The following MGRN1 variants were observed in gnomAD, a reference collection of about 807,000 sequenced individuals.
MGRN1 encodes mahogunin ring finger 1.
In MGRN1, 29 loss-of-function variants were observed where a neutral mutation model predicts 69.2. The observed-to-expected ratio is 0.42, with a 90% CI of 0.31 to 0.57. MGRN1 has a LOEUF of 0.57. Ranked by LOEUF, MGRN1 falls within the 20% of genes least tolerant of loss-of-function variation. The pLI is 0.15. For missense variants in MGRN1, 998 were observed against 796.2 expected, an observed-to-expected ratio of 1.25 and a Z score of -3.05; for synonymous variants, 470 against 344.2, an observed-to-expected ratio of 1.37 and a Z score of -4.04.
chr16:4,671,311 C>T, intron 8 of MGRN1, 80 bp from the exon 9 acceptor site: 3 of 1,393,226 alleles, frequency 2.2e-6, no homozygotes, highest in Non-Finnish European at 3.1e-6. Context: ...AAGTTGGAGG[C>T]AGGGCTAGGC....
intron 1 of MGRN1, among the ~76,000 whole-genome samples, chr16:4,643,456 G>A (rs59617372): frequency 5.3e-5 from 7 of 131,834 alleles, no homozygotes; most frequent in South Asian, 2.6e-4. Flanking sequence ...TGCAACCTCC[G>A]CTTCCTGGGT....
chr16:4,673,685 G>T, intron 10 of MGRN1, 28 bp downstream of exon 10: 1 of 1,608,386 alleles, frequency 6.2e-7, no homozygotes. Context: ...CTGTTCTGTG[G>T]AAGGTTCTGG....
chr16:4,666,965 G>A (rs1339225865), intron 7 of MGRN1, among the ~76,000 whole-genome samples: 2 of 152,188 alleles, frequency 1.3e-5, no homozygotes, highest in Non-Finnish European at 2.9e-5. Flanking sequence ...GGAGGTGGTG[G>A]GACGCACGCT....
chr16:4,625,443 C>A (rs1160770720), intron 1 of MGRN1, among the ~76,000 whole-genome samples: 1 of 152,220 alleles, frequency 6.6e-6, no homozygotes, highest in Non-Finnish European at 1.5e-5. Flanking sequence ...ACCGCGGGGG[C>A]CGGCTTTCGC....
chr16:4,659,435 G>T (rs550704927), intron 5 of MGRN1, among the ~76,000 whole-genome samples: 1 of 152,320 alleles, frequency 6.6e-6, no homozygotes, highest in Non-Finnish European at 1.5e-5. Context: ...TGAGCCATGG[G>T]TTTGCAGGTG....
intron 1 of MGRN1, among the ~76,000 whole-genome samples, chr16:4,630,281 C>T (rs1213702072): frequency 1.9e-4 from 27 of 143,276 alleles, no homozygotes; most frequent in African/African-American, 6.6e-4. Context: ...GAACCCGGAG[C>T]GCGGCAGAGG....
intron 4 of MGRN1, 35 bp downstream of exon 4, chr16:4,652,859 G>T (rs761064977): frequency 1.3e-6 from 2 of 1,559,996 alleles, no homozygotes; most frequent in African/African-American, 2.7e-5. Flanking sequence ...CGGCCTGGCT[G>T]GGGGCCCCAG....
chr16:4,683,286 A>G lies in MGRN1; in HGVS notation c.1528+17A>G. ...CACAGCAAGGTGAGCGCCTCCTTCC[A>G]TGGGCACAAACCGCATGCAGGGACC... On this transcript the variant is annotated intron_variant, in intron 15 of 16. Coordinates refer to ENST00000262370, the MANE Select transcript of MGRN1 (RefSeq NM_015246.4). 1 of 1,613,498 alleles carries G rather than the reference A, an allele frequency of 6.2e-7. No homozygotes were observed. Among genetic ancestry groups the G allele is most frequent in the Non-Finnish European group, 8.5e-7 (1 of 1,179,862 alleles).
intron 16 of MGRN1, chr16:4,686,227 G>A: frequency 1.9e-6 from 3 of 1,539,694 alleles, no homozygotes; most frequent in Non-Finnish European, 2.6e-6. Context: ...TGCTAACCGA[G>A]CTTCCGTCTG....
chr16:4,655,028 G>A (rs62037135), intron 4 of MGRN1, among the ~76,000 whole-genome samples: 1,937 of 152,306 alleles, frequency 0.013, 19 homozygotes, highest in Non-Finnish European at 0.021. Flanking sequence ...CTTGGGCGTA[G>A]GAGCATTTGG....
At chr16:4,653,844 C>G (rs2078463578) in intron 4 of MGRN1, among the ~76,000 whole-genome samples, 1 of 152,014 alleles carries the variant, frequency 6.6e-6, no homozygotes, top group African/African-American at 2.4e-5. Flanking sequence ...CCTCCGCCTC[C>G]TAGGTTCAAG....
At chr16:4,680,210 G>A (rs920077738) in intron 12 of MGRN1, 113 bp downstream of exon 12, 40 of 1,056,250 alleles carry the variant, frequency 3.8e-5, no homozygotes, top group South Asian at 1.1e-4. Flanking sequence ...CATATAACCC[G>A]TCAGCTCCAC....
At chr16:4,651,847 C>T in intron 2 of MGRN1, 116 bp from the exon 3 acceptor site, 1 of 906,078 alleles carries the variant, frequency 1.1e-6, no homozygotes, top group Non-Finnish European at 1.8e-6. Context: ...TAGCCCCTCC[C>T]ATGGGACTAG....
intron 5 of MGRN1, among the ~76,000 whole-genome samples, chr16:4,658,640 G>A (rs1320489058): frequency 1.3e-5 from 2 of 152,054 alleles, no homozygotes; most frequent in African/African-American, 2.4e-5. Context: ...GACTTACGCT[G>A]GGGCCAGTCC....
At chr16:4,671,342 C>G (rs1472404337) in intron 8 of MGRN1, 49 bp from the exon 9 acceptor site, 2 of 1,591,980 alleles carry the variant, frequency 1.3e-6, no homozygotes, top group Admixed American at 3.3e-5. Context: ...TGGAGGAGCC[C>G]TCATATGGCA....
intron 1 of MGRN1, among the ~76,000 whole-genome samples, chr16:4,644,915 C>A (rs541870131): frequency 1.3e-5 from 2 of 152,048 alleles, no homozygotes; most frequent in Non-Finnish European, 2.9e-5. Flanking sequence ...GATATTACAA[C>A]CATTGCTTTA....
Position 4,681,786 on chromosome 16 carries a change from A to G in MGRN1, c.1358+10A>G. The stretch of plus-strand genomic sequence containing the variant: ...GCAAGGCCCCCGACAGGTGAGCAGC[A>G]GCCAGGCCAGGTGCATGGCAGGGTG... On this transcript the variant is annotated intron_variant, in intron 13 of 16. Transcript: ENST00000262370. The G allele has an allele frequency of 1.2e-6, 2 of 1,607,732 alleles. No individual in the cohort carries two copies. The highest frequency in any genetic ancestry group is 1.7e-6 in the Non-Finnish European group (2 of 1,177,442).
chr16:4,655,721 T>C (rs1019082571), intron 4 of MGRN1, among the ~76,000 whole-genome samples: 1 of 152,136 alleles, frequency 6.6e-6, no homozygotes, highest in Admixed American at 6.5e-5. Flanking sequence ...GAAAAGGACC[T>C]GGAGGCTCCA....
chr16:4,669,600 G>C (rs577528795), intron 8 of MGRN1, among the ~76,000 whole-genome samples: 8 of 152,268 alleles, frequency 5.3e-5, no homozygotes, highest in African/African-American at 1.9e-4. Flanking sequence ...ATTGTGTCTG[G>C]AACATAGTGT....
Sources: gnomAD v4.1 joint callset for allele counts (sites outside exome capture counted in the v4.1 genomes callset) on GRCh38, gnomAD v4.1.1 for gene constraint, MANE v1.5 for transcripts, NCBI Gene and HGNC (gene_info 2026-07-23, HGNC 2026-07-21) for gene names.